Variants in UBR3 observed in about 807,000 individuals in gnomAD.
The protein encoded by UBR3 is ubiquitin protein ligase E3 component n-recognin 3, also known as E3 ubiquitin-protein ligase UBR3.
UBR3 carries 85 observed loss-of-function variants against 243.2 expected under a neutral mutation model. The observed-to-expected ratio is 0.35, with a 90% CI of 0.29 to 0.42. The LOEUF is 0.42. UBR3 is among the 10% of genes least tolerant of loss of function. UBR3 has a pLI of 1.00. For missense variants in UBR3, 1,686 were observed against 2,300.8 expected (o/e 0.73, Z 5.47); for synonymous variants, 748 against 799.8 (o/e 0.94, Z 1.09).
At chr2:169,897,201 T>C (rs191928428) in intron 8 of UBR3, among the ~76,000 whole-genome samples, 21 of 152,240 alleles carry the variant, frequency 1.4e-4, no homozygotes, top group African/African-American at 4.8e-4. Flanking sequence ...ATGTTTCTGC[T>C]TTTTTATCAT....
chr2:170,023,138 G>GT (rs796146588), intron 30 of UBR3, among the ~76,000 whole-genome samples: 127 of 149,738 alleles, frequency 8.5e-4, no homozygotes, highest in African/African-American at 2.7e-3. Context: ...GGCTAGTTGA[G>GT]TTTTTTTTTT....
intron 33 of UBR3, among the ~76,000 whole-genome samples, chr2:170,056,260 C>T (rs2091334203): frequency 6.6e-6 from 1 of 152,226 alleles, no homozygotes; most frequent in East Asian, 1.9e-4. Flanking sequence ...CCCACCTCAG[C>T]CTCCCAAAGT....
chr2:169,982,886 A>G (rs939120428), intron 24 of UBR3, among the ~76,000 whole-genome samples: 5 of 152,198 alleles, frequency 3.3e-5, no homozygotes, highest in African/African-American at 7.2e-5. Context: ...TTGTGAACCA[A>G]ACTTTTCTGG....
intron 22 of UBR3, 181 bp from the exon 23 acceptor site, chr2:169,949,420 TTGAG>T (rs2086918673): frequency 3.8e-6 from 2 of 530,426 alleles, no homozygotes; most frequent in Admixed American, 7.5e-5. Flanking sequence ...TGTTTCTAGA[TTGAG>T]TGGGATTAAA....
In UBR3 at chr2:170,061,358, G is replaced by A. The variant is rs2091453065; in HGVS notation, c.4934G>A (p.Cys1645Tyr). 2 of 1,613,974 alleles carry A rather than the reference G, an allele frequency of 1.2e-6. No individual in the cohort carries two copies. ...IAWSPESMEK[C>Y]LQDFCLPFLR... ...TGGTCTCCTGAATCCATGGAAAAAT[G>A]CTTACAGGACTTCTGCTTACCTTTT... The change falls in exon 35 of 39, where the codon TGC (cysteine) becomes TAC (tyrosine). Residue 1645 changes from cysteine to tyrosine, a missense_variant. Physicochemically the swap from Cys to Tyr is radical, Grantham distance 194. This residue lies in a region of UBR3 where 371 missense variants were observed against 422.5 expected (regional missense o/e 0.88). Transcript: ENST00000272793.
intron 1 of UBR3, among the ~76,000 whole-genome samples, chr2:169,850,985 A>G (rs1284802073): frequency 2.0e-5 from 3 of 152,216 alleles, no homozygotes. Flanking sequence ...CTGCTTTTCT[A>G]CTTTTAACTT....
chr2:170,031,309 A>G (rs181144228), intron 31 of UBR3, among the ~76,000 whole-genome samples: 79 of 152,152 alleles, frequency 5.2e-4, no homozygotes, highest in African/African-American at 1.8e-3. Flanking sequence ...ATAAGTTGCA[A>G]TACATTTCAC....
At position 169,890,581 on chromosome 2, in the gene UBR3, G is replaced by GTATATATATATACGTA. The variant is rs1207236594; in HGVS notation, c.1039-573_1039-572insACGTATATATATATAT. On this transcript the variant is annotated intron_variant, in intron 5 of 38. Transcript: ENST00000272793. ...TATATATATGTGTATATATATATATGTATATATATATGTATATATATGTAT... is the reference window on the plus strand; with the variant it reads ...TATATATATGTGTATATATATATATGTATATATATATACGTATATATATATATGTATATATATGTAT... Among the ~76,000 whole-genome samples the GTATATATATATACGTA allele has an allele frequency of 1.6e-3, 152 of 96,428 alleles. 4 individuals carry two copies. Among genetic ancestry groups the GTATATATATATACGTA allele is most frequent in the African/African-American group, 7.3e-3 (146 of 20,062 alleles). 63.3% of individuals were successfully genotyped at this position (96,428 alleles called of 152,430 possible).
At chr2:170,048,863 A>G (rs987404482) in intron 32 of UBR3, among the ~76,000 whole-genome samples, 1 of 152,224 alleles carries the variant, frequency 6.6e-6, no homozygotes, top group African/African-American at 2.4e-5. Flanking sequence ...TAGTTTCACA[A>G]TCACACCTTA....
chr2:169,999,707 TAAGA>T (rs1410217747), intron 26 of UBR3, among the ~76,000 whole-genome samples: 6 of 152,208 alleles, frequency 3.9e-5, no homozygotes, highest in Admixed American at 3.9e-4. Flanking sequence ...ATGAAAATTC[TAAGA>T]AAGAGATTTT....
Position 169,906,062 on chromosome 2 carries a change from G to A in UBR3, c.1677G>A (p.Glu559=). Residue 559 remains glutamate (E), a synonymous_variant, in exon 10 of 39, where the codon GAG becomes GAA. Coordinates refer to ENST00000272793, the MANE Select transcript of UBR3 (RefSeq NM_172070.4). ...ACTTAAACAAGCGAGAACTAAACGA[G>A]CATGTGGAATTTGAGTCTCAGACCT... ...GMNLNKRELN[E]HVEFESQTYY... is the part of the protein sequence containing the mutation. The A allele has an allele frequency of 6.4e-7, 1 of 1,551,612 alleles. No individual in the cohort carries two copies. The highest frequency in any genetic ancestry group is 8.7e-7 in the Non-Finnish European group (1 of 1,146,926).
intron 8 of UBR3, 23 bp from the exon 9 acceptor site, chr2:169,905,091 G>A: frequency 7.0e-7 from 1 of 1,431,458 alleles, no homozygotes; most frequent in South Asian, 1.7e-5. Flanking sequence ...TGAAATTTTT[G>A]GGTTGTGTGT....
chr2:169,836,059 A>ATTTT (rs1558998942), intron 1 of UBR3, among the ~76,000 whole-genome samples: 5 of 40,952 alleles, frequency 1.2e-4, no homozygotes, highest in Non-Finnish European at 2.1e-4. Context: ...ATATATATAT[A>ATTTT]TATATATATT....
intron 24 of UBR3, among the ~76,000 whole-genome samples, chr2:169,983,462 T>C (rs1293341941): frequency 6.6e-6 from 1 of 152,108 alleles, no homozygotes; most frequent in East Asian, 1.9e-4. Context: ...GGTTTTGCCA[T>C]GTTGTCCAGG....
At chr2:169,858,997 G>C (rs2082988282) in intron 1 of UBR3, among the ~76,000 whole-genome samples, 1 of 150,852 alleles carries the variant, frequency 6.6e-6, no homozygotes, top group Admixed American at 6.6e-5. Context: ...TGTATATAAT[G>C]AATCAGTTTC....
chr2:169,936,259 A>C (rs2086324646), intron 19 of UBR3, among the ~76,000 whole-genome samples: 1 of 152,012 alleles, frequency 6.6e-6, no homozygotes, highest in African/African-American at 2.4e-5. Context: ...GGGTTTCTCC[A>C]TGTTGGTCAG....
At position 169,982,921 on chromosome 2, in the gene UBR3, C is replaced by A. The variant is rs2088806558; in HGVS notation, c.3635-3724C>A. 2.0e-5 allele frequency among the ~76,000 whole-genome samples: 3 copies of A among 152,104 alleles called. No homozygotes were observed. In the South Asian group the frequency reaches 6.2e-4, roughly 31 times the overall value. ...GAGAAGGCTTAGCTGATCTCATCAC[C>A]CACAGACCCATGGGCTGAATTGTGG... On this transcript the variant is annotated intron_variant, in intron 24 of 38. Coordinates refer to ENST00000272793, the MANE Select transcript of UBR3 (RefSeq NM_172070.4).
chr2:169,909,972 C>A (rs2105336275), intron 10 of UBR3, among the ~76,000 whole-genome samples: 1 of 152,048 alleles, frequency 6.6e-6, no homozygotes, highest in Non-Finnish European at 1.5e-5. Flanking sequence ...GAGAGAGAGA[C>A]TTTTGAGTAA....
intron 10 of UBR3, among the ~76,000 whole-genome samples, chr2:169,907,728 T>C (rs1408682675): frequency 6.6e-6 from 1 of 152,132 alleles, no homozygotes; most frequent in East Asian, 1.9e-4. Context: ...TCTCCACAAG[T>C]TGCCCTCAAC....
Sources: gnomAD v4.1 joint callset for allele counts (sites outside exome capture counted in the v4.1 genomes callset) on GRCh38, gnomAD v4.1.1 for gene constraint, gnomAD v4.1.1 regional missense constraint, MANE v1.5 for transcripts, NCBI Gene and HGNC (gene_info 2026-07-23, HGNC 2026-07-21) for gene names.